Variants in TMOD3 observed in about 807,000 individuals in gnomAD.
TMOD3 encodes the protein tropomodulin 3.
TMOD3 carries 20 observed loss-of-function variants against 39.2 expected under a neutral mutation model. The ratio of observed to expected loss-of-function variants is 0.51; its 90% CI spans 0.36 to 0.74. The LOEUF is 0.74. Ranked by LOEUF, TMOD3 falls within the 30% of genes least tolerant of loss-of-function variation. The probability of loss-of-function intolerance (pLI) is 0.00; values close to 1 mark genes in which losing one functional copy is unlikely to be tolerated. For missense variants in TMOD3, 381 were observed against 412.8 expected (o/e 0.92, Z 0.67); for synonymous variants, 143 against 145.8 (o/e 0.98, Z 0.14).
intron 3 of TMOD3, among the ~76,000 whole-genome samples, chr15:51,885,284 C>CTTTTTTTT (rs67378569): frequency 1.7e-4 from 22 of 126,950 alleles, no homozygotes; most frequent in South Asian, 2.6e-4. Flanking sequence ...TTTCTTTTTT[C>CTTTTTTTT]TTTTTTTTTT....
intron 6 of TMOD3, 72 bp from the exon 7 acceptor site, chr15:51,896,347 A>C (rs563521576): frequency 5.1e-5 from 56 of 1,098,640 alleles, no homozygotes; most frequent in Non-Finnish European, 6.5e-5. Context: ...AAAAAACCAT[A>C]TATTTGATTA....
At chr15:51,848,734 A>G (rs200326349) in intron 1 of TMOD3, among the ~76,000 whole-genome samples, 3 of 152,260 alleles carry the variant, frequency 2.0e-5, no homozygotes, top group Non-Finnish European at 4.4e-5. Context: ...GTTTTATTTA[A>G]AAGTAAACAT....
rs191255908 is a variant in TMOD3, at chr15:51,890,319, C to T, written c.496+1174C>T. Among the ~76,000 whole-genome samples the T allele has an allele frequency of 5.2e-4, 78 of 150,272 alleles. 1 individual carries two copies. Among genetic ancestry groups the T allele is most frequent in the African/African-American group, 1.7e-3 (70 of 40,930 alleles). On this transcript the variant is annotated intron_variant, in intron 5 of 9. Coordinates refer to ENST00000308580, the MANE Select transcript of TMOD3 (RefSeq NM_014547.5). The stretch of plus-strand genomic sequence containing the variant: ...GAGTATCTAGGATTTGACAGGTGCA[C>T]GCCACCTTGTCCAGCTAATTTTTTT...
chr15:51,847,150 T>C (rs1231946771), intron 1 of TMOD3, among the ~76,000 whole-genome samples: 1 of 152,190 alleles, frequency 6.6e-6, no homozygotes, highest in African/African-American at 2.4e-5. Flanking sequence ...AAGATTGTTT[T>C]TGAAGTGGTA....
At chr15:51,878,944 A>G (rs2056518880) in intron 3 of TMOD3, among the ~76,000 whole-genome samples, 1 of 152,234 alleles carries the variant, frequency 6.6e-6, no homozygotes. Flanking sequence ...TATTTTTTAT[A>G]TACTCAGCAA....
At chr15:51,883,192 A>G (rs2056543275) in intron 3 of TMOD3, among the ~76,000 whole-genome samples, 1 of 152,200 alleles carries the variant, frequency 6.6e-6, no homozygotes, top group Non-Finnish European at 1.5e-5. Flanking sequence ...CTATGAAATC[A>G]AGCAAAATTC....
In TMOD3 at chr15:51,881,618, A is replaced by G. The variant is rs186286128; in HGVS notation, c.284-5971A>G. 5.1e-3 allele frequency among the ~76,000 whole-genome samples: 668 copies of G among 130,314 alleles called. 7 individuals carry two copies. The highest frequency in any genetic ancestry group is 0.02 in the African/African-American group (640 of 32,788). 85.5% of individuals were successfully genotyped at this position (130,314 alleles called of 152,430 possible). A position where few individuals can be genotyped will look rare whatever the true frequency, so the allele number is the denominator to read the frequency against. On this transcript the variant is annotated intron_variant, in intron 3 of 9. Transcript: ENST00000308580. ...CTCTTGTTGCCGGGGCTGGAGTGCA[A>G]TGGCACAATCTCGGCTCACTGCAAC...
At chr15:51,882,505 A>G (rs565795142) in intron 3 of TMOD3, among the ~76,000 whole-genome samples, 1 of 152,150 alleles carries the variant, frequency 6.6e-6, no homozygotes, top group Non-Finnish European at 1.5e-5. Context: ...TCTCAAAAGA[A>G]AAAAACCAAA....
intron 6 of TMOD3, 77 bp from the exon 7 acceptor site, chr15:51,896,342 A>AC: frequency 9.5e-7 from 1 of 1,050,408 alleles, no homozygotes; most frequent in Admixed American, 2.2e-5. Context: ...AGCAAAAAAA[A>AC]CCATATATTT....
chr15:51,905,978 A>AG (rs2056678440), intron 9 of TMOD3, among the ~76,000 whole-genome samples: 2 of 141,556 alleles, frequency 1.4e-5, no homozygotes, highest in Non-Finnish European at 3.1e-5. Flanking sequence ...AAAAAAAAAA[A>AG]AAGAAATTGG....
At chr15:51,896,088 A>G (rs1409383882) in intron 6 of TMOD3, among the ~76,000 whole-genome samples, 1 of 152,216 alleles carries the variant, frequency 6.6e-6, no homozygotes, top group African/African-American at 2.4e-5. Flanking sequence ...AACCTGGGCA[A>G]CAAGAGCAAA....
chr15:51,879,886 A>ACACACACACG (rs977815216), intron 3 of TMOD3, among the ~76,000 whole-genome samples: 6 of 151,712 alleles, frequency 4.0e-5, no homozygotes, highest in African/African-American at 1.5e-4. Flanking sequence ...ACACACACAC[A>ACACACACACG]CACGAAGAAG....
rs145861144 is a variant in TMOD3 at position 51,833,908 on chromosome 15, G to A, written c.-75+4072G>A. On this transcript the variant is annotated intron_variant, in intron 1 of 9. Transcript: ENST00000308580. Reference sequence around the variant, plus strand: ...AGTTCTCCAAAGTGGTTTATACTGAGTTCTACTTGCTCCGTATTTTTAGTG... The same window carrying A: ...AGTTCTCCAAAGTGGTTTATACTGAATTCTACTTGCTCCGTATTTTTAGTG... Among the ~76,000 whole-genome samples, 3 of 152,294 alleles carry A rather than the reference G, an allele frequency of 2.0e-5. No individual in the cohort carries two copies. In the East Asian group the frequency reaches 5.8e-4, roughly 29 times the overall value.
chr15:51,869,995 A>G (rs957086439), intron 3 of TMOD3, among the ~76,000 whole-genome samples: 2 of 152,122 alleles, frequency 1.3e-5, no homozygotes, highest in South Asian at 2.1e-4. Context: ...CCGGAGTGCA[A>G]TGGTGCACCC....
intron 2 of TMOD3, among the ~76,000 whole-genome samples, chr15:51,867,927 C>CT (rs748984451): frequency 2.0e-5 from 3 of 152,330 alleles, no homozygotes; most frequent in African/African-American, 2.4e-5. Flanking sequence ...TCCCTCATCT[C>CT]TAAGTCAGTC....
intron 1 of TMOD3, among the ~76,000 whole-genome samples, chr15:51,834,313 A>G (rs2056270566): frequency 6.6e-6 from 1 of 152,074 alleles, no homozygotes; most frequent in Non-Finnish European, 1.5e-5. Flanking sequence ...AATTTTTTGT[A>G]TTATGGCTAG....
intron 1 of TMOD3, among the ~76,000 whole-genome samples, chr15:51,832,206 TATATATATATA>T (rs2056259515): frequency 1.8e-5 from 2 of 108,432 alleles, no homozygotes; most frequent in Admixed American, 1.8e-4. Context: ...AAAAAAATTA[TATATATATATA>T]TATATATATA....
At chr15:51,900,582 C>G (rs1022936498) in intron 8 of TMOD3, among the ~76,000 whole-genome samples, 3 of 152,170 alleles carry the variant, frequency 2.0e-5, no homozygotes, top group African/African-American at 7.2e-5. Context: ...AGTCCACCTT[C>G]CAATTTTTCA....
At chr15:51,857,146 C>G (rs1448445650) in intron 1 of TMOD3, among the ~76,000 whole-genome samples, 1 of 152,110 alleles carries the variant, frequency 6.6e-6, no homozygotes, top group Admixed American at 6.5e-5. Flanking sequence ...GCATACTCTG[C>G]GAGTCTGTTT....
Sources: allele counts gnomAD v4.1 joint callset (sites outside exome capture counted in the v4.1 genomes callset), GRCh38; gene constraint gnomAD v4.1.1; transcripts MANE v1.5; gene names NCBI Gene and HGNC (gene_info 2026-07-23, HGNC 2026-07-21).